RIT2: variants seen among roughly 807,000 people sequenced by gnomAD.
The protein encoded by RIT2 is Ras like without CAAX 2, also known as GTP-binding protein Rit2.
A neutral mutation model predicts 23.7 loss-of-function variants in RIT2; 24 were observed. The observed-to-expected ratio is 1.01, with a 90% CI of 0.73 to 1.43. The LOEUF (loss-of-function observed/expected upper bound fraction) is 1.43. Among genes scored for constraint, RIT2 ranks in the 40% most tolerant of loss-of-function variants. RIT2 has a pLI of 0.00. For synonymous variants in RIT2, 107 were observed against 91.1 expected (o/e 1.17, Z -0.99); for missense variants, 236 against 266.9 (o/e 0.88, Z 0.81).
intron 3 of RIT2, among the ~76,000 whole-genome samples, chr18:42,934,905 C>G (rs1357897054): frequency 2.6e-5 from 4 of 152,024 alleles, no homozygotes; most frequent in African/African-American, 4.8e-5. Flanking sequence ...TATTTGATAT[C>G]TATACTACCA....
Position 43,071,558 on chromosome 18 carries a change from C to T in RIT2, c.104-37691G>A, listed in dbSNP as rs544044107. On this transcript the variant is annotated intron_variant, in intron 1 of 4. Transcript: ENST00000326695. ...AGTATCCAAGGCTTTGTTACCAGTACACATATGTGCCTTTTGAATCATCTT... is the reference window on the plus strand; with the variant it reads ...AGTATCCAAGGCTTTGTTACCAGTATACATATGTGCCTTTTGAATCATCTT... Among the ~76,000 whole-genome samples the T allele has an allele frequency of 3.9e-5, 6 of 152,270 alleles. No individual in the cohort carries two copies. In the South Asian group the frequency reaches 1.2e-3, roughly 32 times the overall value.
intron 4 of RIT2, among the ~76,000 whole-genome samples, chr18:42,887,178 C>T (rs1411305966): frequency 3.3e-5 from 5 of 151,840 alleles, no homozygotes; most frequent in African/African-American, 1.2e-4. Context: ...TAAAAGCACC[C>T]AAGACTTTAC....
chr18:42,878,562 ACT>A (rs1253412672), intron 4 of RIT2, among the ~76,000 whole-genome samples: 8 of 101,566 alleles, frequency 7.9e-5, no homozygotes, highest in Non-Finnish European at 1.5e-4. Context: ...TCAAGATTCA[ACT>A]CTGTGTGTGT....
intron 1 of RIT2, among the ~76,000 whole-genome samples, chr18:43,068,277 G>A (rs959244252): frequency 6.6e-6 from 1 of 152,036 alleles, no homozygotes; most frequent in Non-Finnish European, 1.5e-5. Context: ...ATTTCAAGAG[G>A]TAAATTGCCC....
Position 43,031,489 on chromosome 18 carries a change from C to T in RIT2, c.160+2322G>A, listed in dbSNP as rs565202715. ...TTACAAAGACAGTAATGTGAAGTAA[C>T]CTAATATTAACCAATCTGCTTTTCC... On this transcript the variant is annotated intron_variant, in intron 2 of 4. Coordinates refer to ENST00000326695, the MANE Select transcript of RIT2 (RefSeq NM_002930.4). Among the ~76,000 whole-genome samples the T allele has an allele frequency of 6.6e-5, 10 of 152,146 alleles. No homozygotes were observed. In the East Asian group the frequency reaches 1.7e-3, roughly 26 times the overall value.
intron 4 of RIT2, among the ~76,000 whole-genome samples, chr18:42,871,403 C>CAT (rs889014412): frequency 4.8e-4 from 73 of 152,180 alleles, no homozygotes; most frequent in African/African-American, 1.6e-3. Context: ...TGCACACACA[C>CAT]ATATATTCTA....
intron 4 of RIT2, among the ~76,000 whole-genome samples, chr18:42,831,263 C>T (rs1191899642): frequency 6.6e-6 from 1 of 152,138 alleles, no homozygotes; most frequent in Non-Finnish European, 1.5e-5. Flanking sequence ...AGGATTGTCT[C>T]AGTGTTAAAA....
chr18:43,023,540 T>C (rs1568058791), intron 2 of RIT2, among the ~76,000 whole-genome samples: 3 of 152,072 alleles, frequency 2.0e-5, no homozygotes, highest in African/African-American at 7.2e-5. Context: ...TTATTTCACA[T>C]AAAAATCATG....
intron 4 of RIT2, among the ~76,000 whole-genome samples, chr18:42,794,413 G>T (rs1475453229): frequency 6.6e-6 from 1 of 152,182 alleles, no homozygotes; most frequent in Non-Finnish European, 1.5e-5. Context: ...CATATTGAAA[G>T]GTATAGATCA....
chr18:42,944,309 T>C (rs1446828759), intron 3 of RIT2, among the ~76,000 whole-genome samples: 1 of 152,118 alleles, frequency 6.6e-6, no homozygotes, highest in Non-Finnish European at 1.5e-5. Context: ...TTTTTCATTA[T>C]AGTATGCCAT....
chr18:42,996,611 C>T (rs922728056), intron 2 of RIT2, among the ~76,000 whole-genome samples: 5 of 151,756 alleles, frequency 3.3e-5, no homozygotes, highest in Admixed American at 6.6e-5. Flanking sequence ...CCTTGTGACC[C>T]CCCACTCCTG....
rs180690358 is a variant in RIT2, at chr18:43,095,863, C to A, written c.103+19554G>T. ...GGATGTTAAAAAATCTACTTTCTTCCTTTACACTAATATTAAAGGTGGGGA... is the reference window on the plus strand; with the variant it reads ...GGATGTTAAAAAATCTACTTTCTTCATTTACACTAATATTAAAGGTGGGGA... On this transcript the variant is annotated intron_variant, in intron 1 of 4. Transcript: ENST00000326695. Among the ~76,000 whole-genome samples, 5 of 151,968 alleles carry A rather than the reference C, an allele frequency of 3.3e-5. No individual in the cohort carries two copies. The East Asian group carries it at 9.7e-4, about 29-fold the overall frequency.
intron 4 of RIT2, among the ~76,000 whole-genome samples, chr18:42,793,921 A>C (rs1914097134): frequency 6.6e-6 from 1 of 152,152 alleles, no homozygotes; most frequent in Non-Finnish European, 1.5e-5. Context: ...ATTTTCTGGG[A>C]CACCCTAATG....
At chr18:42,950,899 C>CAAAA (rs546311282) in intron 3 of RIT2, among the ~76,000 whole-genome samples, 8 of 129,828 alleles carry the variant, frequency 6.2e-5, no homozygotes, top group African/African-American at 2.2e-4. Flanking sequence ...ATTAAAACAT[C>CAAAA]AAAAAAAAAA....
At chr18:42,925,798 A>G (rs1909164767) in intron 3 of RIT2, among the ~76,000 whole-genome samples, 1 of 151,626 alleles carries the variant, frequency 6.6e-6, no homozygotes, top group South Asian at 2.1e-4. Context: ...TCCTTTATAC[A>G]TCATTCTAAA....
intron 3 of RIT2, among the ~76,000 whole-genome samples, chr18:42,965,016 A>G (rs1910181871): frequency 6.6e-6 from 1 of 152,194 alleles, no homozygotes; most frequent in Non-Finnish European, 1.5e-5. Context: ...CTACCTTAAC[A>G]ACACATTAAT....
chr18:43,049,111 A>G (rs921916074), intron 1 of RIT2, among the ~76,000 whole-genome samples: 2 of 152,146 alleles, frequency 1.3e-5, no homozygotes, highest in African/African-American at 4.8e-5. Flanking sequence ...TCTGGAGGAA[A>G]AGTTAAGTGA....
chr18:42,842,256 AT>A (rs1360965793), intron 4 of RIT2, among the ~76,000 whole-genome samples: 1 of 152,122 alleles, frequency 6.6e-6, no homozygotes, highest in Admixed American at 6.6e-5. Context: ...CTTAATTTCC[AT>A]TTGGTGGAAA....
At chr18:42,836,354 G>A (rs1316743000) in intron 4 of RIT2, among the ~76,000 whole-genome samples, 1 of 152,086 alleles carries the variant, frequency 6.6e-6, no homozygotes, top group Non-Finnish European at 1.5e-5. Flanking sequence ...ATGACACAGA[G>A]TGGGATGGGG....
Sources: allele counts gnomAD v4.1 joint callset (sites outside exome capture counted in the v4.1 genomes callset), GRCh38; gene constraint gnomAD v4.1.1; transcripts MANE v1.5; gene names NCBI Gene and HGNC (gene_info 2026-07-23, HGNC 2026-07-21).